TEX264: variants seen among roughly 807,000 people sequenced by gnomAD.
TEX264 encodes the protein testis-expressed protein 264.
A neutral mutation model predicts 23.4 loss-of-function variants in TEX264; 13 were observed. The observed-to-expected ratio is 0.56, with a 90% CI of 0.36 to 0.88. TEX264 has a LOEUF of 0.88. Ranked by LOEUF, TEX264 falls within the 40% of genes least tolerant of loss-of-function variation. The probability of loss-of-function intolerance (pLI) is 0.01; values close to 1 mark genes in which losing one functional copy is unlikely to be tolerated. For missense variants in TEX264, 340 were observed against 406.8 expected, an observed-to-expected ratio of 0.84 and a Z score of 1.41; for synonymous variants, 159 against 170.0, an observed-to-expected ratio of 0.94 and a Z score of 0.50.
In TEX264 at chr3:51,703,447, C is replaced by G. The variant is rs1703391423; in HGVS notation, c.650-277C>G. ...GCAGGCTTTGTGGAAGTGCAGGGAGCTGAGGCTAATTTAGAGTGGGGAGAA... is the reference window on the plus strand; with the variant it reads ...GCAGGCTTTGTGGAAGTGCAGGGAGGTGAGGCTAATTTAGAGTGGGGAGAA... On this transcript the variant is annotated intron_variant, in intron 4 of 4. Coordinates refer to ENST00000341333, the MANE Select transcript of TEX264 (RefSeq NM_015926.6). The surrounding 1 kb of genome is among the most constrained non-coding windows in gnomAD (Gnocchi z 4.8). Among the ~76,000 whole-genome samples the G allele has an allele frequency of 6.6e-6, 1 of 152,142 alleles. No individual in the cohort carries two copies. The highest frequency in any genetic ancestry group is 2.4e-5 in the African/African-American group (1 of 41,432).
rs1703405588 is a variant in TEX264, at chr3:51,703,666, C to T, written c.650-58C>T. ...TGCACTGCGTGCTGAGTTGCCTCTC[C>T]CTGGAGGAGGGGGTGGGGTGGTCCT... On this transcript the variant is annotated intron_variant, in intron 4 of 4. Coordinates refer to ENST00000341333, the MANE Select transcript of TEX264 (RefSeq NM_015926.6). The surrounding 1 kb of genome is among the most constrained non-coding windows in gnomAD (Gnocchi z 4.8). 6.6e-7 allele frequency: 1 copy of T among 1,520,238 alleles called. No individual in the cohort carries two copies. Among genetic ancestry groups the T allele is most frequent in the Non-Finnish European group, 8.9e-7 (1 of 1,126,716 alleles). The allele number at this position is 1,520,238 out of a possible 1,614,324, so 94.2% of individuals were successfully genotyped here.
intron 1 of TEX264, among the ~76,000 whole-genome samples, chr3:51,673,165 T>A (rs1313376391): frequency 2.6e-5 from 4 of 152,230 alleles, no homozygotes; most frequent in Non-Finnish European, 5.9e-5. Context: ...CAGCGTGGCC[T>A]TTTTAGCTTC....
chr3:51,696,988 G>A (rs754297515), intron 3 of TEX264, among the ~76,000 whole-genome samples: 14 of 152,342 alleles, frequency 9.2e-5, no homozygotes, highest in Admixed American at 5.2e-4. Flanking sequence ...ATGCTGTGAG[G>A]AGGGAGAGCT....
At chr3:51,698,564 T>C (rs1019035173) in intron 3 of TEX264, among the ~76,000 whole-genome samples, 3 of 152,102 alleles carry the variant, frequency 2.0e-5, no homozygotes, top group Non-Finnish European at 2.9e-5. Context: ...TCCATACTCA[T>C]TGGGGGATGG....
At chr3:51,689,046 G>A (rs1189506239) in intron 3 of TEX264, among the ~76,000 whole-genome samples, 3 of 152,126 alleles carry the variant, frequency 2.0e-5, no homozygotes, top group African/African-American at 4.8e-5. Context: ...TTGAGCCTGG[G>A]AGGTCAAGGC....
Position 51,703,672 on chromosome 3 carries a change from G to A in TEX264, c.650-52G>A, listed in dbSNP as rs1189918672. 3.3e-6 allele frequency: 5 copies of A among 1,524,356 alleles called. No individual in the cohort carries two copies. In the African/African-American group the frequency reaches 6.9e-5, roughly 21 times the overall value. The allele number at this position is 1,524,356 out of a possible 1,614,324, so 94.4% of individuals were successfully genotyped here. A position where few individuals can be genotyped will look rare whatever the true frequency, so the allele number is the denominator to read the frequency against. On this transcript the variant is annotated intron_variant, in intron 4 of 4. Coordinates refer to ENST00000341333, the MANE Select transcript of TEX264 (RefSeq NM_015926.6). This position sits in a 1 kb window ranked among gnomAD's most constrained non-coding sequence, Gnocchi z 4.8. ...GCGTGCTGAGTTGCCTCTCCCTGGA[G>A]GAGGGGGTGGGGTGGTCCTAGCTAA...
chr3:51,690,347 C>G (rs1175086794), intron 3 of TEX264, among the ~76,000 whole-genome samples: 1 of 152,150 alleles, frequency 6.6e-6, no homozygotes, highest in East Asian at 1.9e-4. Flanking sequence ...GCCTGGCCAA[C>G]ACAGTGAAAC....
chr3:51,677,283 G>A (rs571789150), intron 2 of TEX264, among the ~76,000 whole-genome samples: 1 of 152,178 alleles, frequency 6.6e-6, no homozygotes, highest in Non-Finnish European at 1.5e-5. Flanking sequence ...ACCAGGACCT[G>A]CCAGTGTGTG....
intron 3 of TEX264, among the ~76,000 whole-genome samples, chr3:51,688,918 G>A (rs1291279941): frequency 6.6e-6 from 1 of 151,986 alleles, no homozygotes; most frequent in African/African-American, 2.4e-5. Flanking sequence ...CTTGAGCCCA[G>A]GAGTTCCAGA....
chr3:51,680,786 C>T (rs75083158), intron 2 of TEX264, among the ~76,000 whole-genome samples: 4 of 152,346 alleles, frequency 2.6e-5, no homozygotes, highest in Non-Finnish European at 4.4e-5. Flanking sequence ...GGCCCAAATA[C>T]AGATACTCAT....
At chr3:51,672,801 G>A (rs1577486229) in intron 1 of TEX264, among the ~76,000 whole-genome samples, 2 of 152,192 alleles carry the variant, frequency 1.3e-5, no homozygotes, top group Admixed American at 6.5e-5. Context: ...TTGCTTTGAG[G>A]GTGAATGAAG....
chr3:51,674,283 G>A lies in TEX264; in HGVS notation c.-22G>A, dbSNP rs1702154124. 5.0e-6 allele frequency: 8 copies of A among 1,613,572 alleles called. No homozygotes were observed. In the East Asian group the frequency reaches 1.8e-4, roughly 36 times the overall value. ...TTCTCCTTTGCAGCTGCCTTGAGGT[G>A]CAGTGTTGGGGATCCAGAGCCATGT... On this transcript the variant is annotated 5_prime_UTR_variant, in exon 2 of 5. Coordinates refer to ENST00000341333, the MANE Select transcript of TEX264 (RefSeq NM_015926.6).
At chr3:51,685,385 C>T (rs1303484148) in intron 3 of TEX264, among the ~76,000 whole-genome samples, 1 of 152,136 alleles carries the variant, frequency 6.6e-6, no homozygotes, top group Admixed American at 6.5e-5. Flanking sequence ...ATAATGGGCA[C>T]AATGTGAATG....
At chr3:51,690,894 G>A (rs1212434688) in intron 3 of TEX264, among the ~76,000 whole-genome samples, 3 of 152,360 alleles carry the variant, frequency 2.0e-5, no homozygotes, top group African/African-American at 4.8e-5. Context: ...TGGAGCGGTA[G>A]CTGAGTCCAG....
intron 2 of TEX264, 111 bp downstream of exon 2, chr3:51,674,673 G>C (rs1200345576): frequency 2.5e-5 from 33 of 1,329,960 alleles, no homozygotes; most frequent in South Asian, 1.1e-4. Context: ...CTTCAAGCTG[G>C]CCCTGCAGAC....
intron 2 of TEX264, among the ~76,000 whole-genome samples, chr3:51,680,164 C>T (rs1214447239): frequency 1.3e-5 from 2 of 152,212 alleles, no homozygotes; most frequent in Non-Finnish European, 2.9e-5. Flanking sequence ...GATGGTGCTG[C>T]TGTCCCTGTC....
intron 4 of TEX264, among the ~76,000 whole-genome samples, chr3:51,701,166 G>T (rs1260470199): frequency 6.6e-6 from 1 of 152,140 alleles, no homozygotes; most frequent in East Asian, 1.9e-4. Flanking sequence ...AAGGGGGTGG[G>T]CTTCAAGTCC....
At chr3:51,695,713 G>A (rs914271548) in intron 3 of TEX264, among the ~76,000 whole-genome samples, 2 of 152,236 alleles carry the variant, frequency 1.3e-5, no homozygotes, top group Admixed American at 6.5e-5. Context: ...CTGAAGTGAG[G>A]TGGGAGTGTG....
intron 3 of TEX264, among the ~76,000 whole-genome samples, 178 bp downstream of exon 3, chr3:51,684,812 C>G (rs566097738): frequency 6.6e-6 from 1 of 152,354 alleles, no homozygotes; most frequent in East Asian, 1.9e-4. Context: ...GCATCTCTTT[C>G]AGATGCCCAA....
Sources: allele counts gnomAD v4.1 joint callset (sites outside exome capture counted in the v4.1 genomes callset), GRCh38; gene constraint gnomAD v4.1.1; non-coding constraint Gnocchi (gnomAD v3.1); transcripts MANE v1.5; gene names NCBI Gene and HGNC (gene_info 2026-07-23, HGNC 2026-07-21).